CHRDL2: variants seen among roughly 807,000 people sequenced by gnomAD.
CHRDL2 encodes the protein chordin-like protein 2.
Under a neutral mutation model 54.3 loss-of-function variants are expected in CHRDL2, and 41 were observed. That is an observed-to-expected ratio of 0.76 (90% CI 0.59 to 0.98). The LOEUF (loss-of-function observed/expected upper bound fraction) is 0.98, where lower values mean the gene tolerates loss of function less well. Among genes scored for constraint, CHRDL2 ranks in the 50% least tolerant of loss-of-function variants. The pLI is 0.00. For missense variants in CHRDL2, 518 were observed against 562.4 expected, an observed-to-expected ratio of 0.92 and a Z score of 0.80; for synonymous variants, 220 against 224.3, an observed-to-expected ratio of 0.98 and a Z score of 0.17.
intron 10 of CHRDL2, 52 bp downstream of exon 10, chr11:74,697,153 G>A (rs912142308): frequency 4.6e-5 from 67 of 1,449,074 alleles, no homozygotes; most frequent in Non-Finnish European, 5.7e-5. Flanking sequence ...GCTCTGGCCC[G>A]TGTCCTTGCC....
At chr11:74,707,370 C>A (rs1440363464) in intron 5 of CHRDL2, among the ~76,000 whole-genome samples, 1 of 152,230 alleles carries the variant, frequency 6.6e-6, no homozygotes, top group African/African-American at 2.4e-5. Flanking sequence ...CACTCCCCTA[C>A]CTGAGTGCCA....
chr11:74,724,987 G>A (rs1317330510), intron 1 of CHRDL2, among the ~76,000 whole-genome samples: 1 of 151,654 alleles, frequency 6.6e-6, no homozygotes, highest in Non-Finnish European at 1.5e-5. Flanking sequence ...AGTCCTGGAA[G>A]CTTCTTTCAT....
intron 7 of CHRDL2, 131 bp downstream of exon 7, chr11:74,704,355 C>T (rs1310742065): frequency 2.4e-6 from 2 of 829,172 alleles, no homozygotes; most frequent in Admixed American, 6.7e-5. Flanking sequence ...TTCTCCGAGT[C>T]TACAAGCTCA....
chr11:74,702,670 A>T, intron 9 of CHRDL2, 124 bp downstream of exon 9: 1 of 919,782 alleles, frequency 1.1e-6, no homozygotes, highest in Non-Finnish European at 1.7e-6. Flanking sequence ...AGGGGCTCTT[A>T]AACCTGGCGG....
intron 8 of CHRDL2, 148 bp downstream of exon 8, chr11:74,703,157 C>G (rs1057449663): frequency 2.7e-5 from 29 of 1,076,698 alleles, no homozygotes; most frequent in Middle Eastern, 3.1e-4. Flanking sequence ...ACATTTTCCA[C>G]TCCTGTGTGT....
intron 7 of CHRDL2, 136 bp downstream of exon 7, chr11:74,704,350 C>T (rs1340334025): frequency 1.0e-5 from 8 of 769,026 alleles, no homozygotes; most frequent in African/African-American, 1.9e-5. Flanking sequence ...TGGCGTTCTC[C>T]GAGTCTACAA....
In CHRDL2 at chr11:74,703,307, G is replaced by A. The variant is rs745850424; in HGVS notation, c.944C>T (p.Pro315Leu). ...TTGCTCCCAGTGCCCCTGTGTACCT[G>A]GGCAAATCTTGCAGCACTTCCCAGC... ...KVAGKCCKICPEDKADPGHSE... is the reference protein window; with the variant it reads ...KVAGKCCKICLEDKADPGHSE... Residue 315 changes from proline to leucine, a missense_variant and splice_region_variant, in exon 8 of 11, where the codon CCA becomes CTA. Coordinates refer to ENST00000376332, the MANE Select transcript of CHRDL2 (RefSeq NM_001278473.3). 2 of 1,600,142 alleles carry A rather than the reference G, an allele frequency of 1.2e-6. No individual in the cohort carries two copies. The highest frequency in any genetic ancestry group is 1.7e-6 in the Non-Finnish European group (2 of 1,171,554).
At chr11:74,703,120 G>A (rs971991382) in intron 8 of CHRDL2, among the ~76,000 whole-genome samples, 153 bp from the exon 9 acceptor site, 2 of 152,184 alleles carry the variant, frequency 1.3e-5, no homozygotes, top group African/African-American at 4.8e-5. Context: ...ACACCGCATG[G>A]TTCTATCCAT....
At chr11:74,700,561 A>G (rs984569355) in intron 9 of CHRDL2, among the ~76,000 whole-genome samples, 12 of 151,966 alleles carry the variant, frequency 7.9e-5, no homozygotes, top group Non-Finnish European at 1.6e-4. Flanking sequence ...GGCAGCGGAG[A>G]GAGAGAGGCC....
chr11:74,697,633 C>T (rs1478095474), intron 9 of CHRDL2: 1 of 472,518 alleles, frequency 2.1e-6, no homozygotes, highest in South Asian at 1.6e-5. Flanking sequence ...GTCCTGTCGC[C>T]TCCACAGTGA....
rs986676448 is a variant in CHRDL2, at chr11:74,702,874, C to T, written c.1040G>A (p.Ser347Asn). The change falls in exon 9 of 11, where the codon AGC (serine) becomes AAC (asparagine). Residue 347 changes from serine to asparagine, a missense_variant. Physicochemically the swap from Ser to Asn is conservative, Grantham distance 46. Coordinates refer to ENST00000376332, the MANE Select transcript of CHRDL2 (RefSeq NM_001278473.3). ...RVLVHTSVSP[S>N]PDNLRRFALE... ...GGCAAAGCGACGCAGGTTGTCTGGG[C>T]TTGGGGATACCGATGTGTGGACGAG... The T allele has an allele frequency of 1.1e-5, 18 of 1,614,064 alleles. No individual in the cohort carries two copies. Among genetic ancestry groups the T allele is most frequent in the Non-Finnish European group, 1.4e-5 (17 of 1,180,032 alleles).
At chr11:74,697,176 C>G in intron 10 of CHRDL2, 29 bp downstream of exon 10, 1 of 1,573,798 alleles carries the variant, frequency 6.4e-7, no homozygotes, top group Non-Finnish European at 8.7e-7. Context: ...CTTCCTGCCC[C>G]GGCCCCATTC....
chr11:74,711,571 C>T (rs1214483038), intron 3 of CHRDL2, among the ~76,000 whole-genome samples: 1 of 152,156 alleles, frequency 6.6e-6, no homozygotes, highest in East Asian at 1.9e-4. Context: ...CTGAGAGAGC[C>T]CACTCATTCA....
At chr11:74,708,773 C>A (rs532816268) in intron 4 of CHRDL2, among the ~76,000 whole-genome samples, 13 of 152,316 alleles carry the variant, frequency 8.5e-5, no homozygotes, top group African/African-American at 3.1e-4. Context: ...CCACTGAAAT[C>A]AACATCATGG....
At position 74,731,002 on chromosome 11, in the gene CHRDL2, T is replaced by G; in HGVS notation, c.-114A>C. The G allele has an allele frequency of 1.2e-6, 1 of 830,742 alleles. No individual in the cohort carries two copies. The highest frequency in any genetic ancestry group is 1.9e-6 in the Non-Finnish European group (1 of 530,898). The allele number at this position is 830,742 out of a possible 1,614,324, so 51.5% of individuals were successfully genotyped here. A position where few individuals can be genotyped will look rare whatever the true frequency, so the allele number is the denominator to read the frequency against. On this transcript the variant is annotated 5_prime_UTR_variant, in exon 1 of 11. Coordinates refer to ENST00000376332, the MANE Select transcript of CHRDL2 (RefSeq NM_001278473.3). The surrounding 1 kb of genome is among the most constrained non-coding windows in gnomAD (Gnocchi z 4.4). ...AACCCACAGACCCCAGGAGGTCTGC[T>G]GCTAGAGCGGGGTCGGAGAAGGGCC...
Position 74,702,950 on chromosome 11 carries a change from C to T in CHRDL2, c.964G>A (p.Gly322Ser). Residue 322 changes from glycine to serine, a missense_variant, in exon 9 of 11, where the codon GGC (glycine) becomes AGC (serine). Coordinates refer to ENST00000376332, the MANE Select transcript of CHRDL2 (RefSeq NM_001278473.3). ...CTGGTAGAACTGATCTCACTGTGGC[C>T]AGGGTCTGCTTTGTCCTCTGGAGAG... ...KICPEDKADPGHSEISSTRCP... is the reference protein window; with the variant it reads ...KICPEDKADPSHSEISSTRCP... 1 of 1,613,122 alleles carries T rather than the reference C, an allele frequency of 6.2e-7. No homozygotes were observed. The highest frequency in any genetic ancestry group is 8.5e-7 in the Non-Finnish European group (1 of 1,179,430).
Position 74,713,410 on chromosome 11 carries a change from G to T in CHRDL2, c.265C>A (p.Gln89Lys), listed in dbSNP as rs1203534517. 1 of 1,614,178 alleles carries T rather than the reference G, an allele frequency of 6.2e-7. No homozygotes were observed. Among genetic ancestry groups the T allele is most frequent in the Non-Finnish European group, 8.5e-7 (1 of 1,180,018 alleles). Reference protein sequence around the residue: ...VHCPQPVTEPQQCCPKCVEPH... With the variant: ...VHCPQPVTEPKQCCPKCVEPH... ...CCCACACACTTGGGACAGCATTGCT[G>T]TGGCTCCGTCACAGGCTGGGGGCAG... is the stretch of plus-strand genomic sequence containing the variant. The change falls in exon 3 of 11, where the codon CAG becomes AAG. Residue 89 changes from glutamine (Q) to lysine (K), a missense_variant. Physicochemically the swap from Gln to Lys is moderately conservative, Grantham distance 53. Transcript: ENST00000376332.
chr11:74,726,829 A>C (rs770104652), intron 1 of CHRDL2, among the ~76,000 whole-genome samples: 1 of 152,180 alleles, frequency 6.6e-6, no homozygotes, highest in Non-Finnish European at 1.5e-5. Flanking sequence ...GCCGGACTTC[A>C]GGCCTTCACT....
In CHRDL2 at chr11:74,702,816, G is replaced by C. The variant is rs747079907; in HGVS notation, c.1098C>G (p.Ile366Met). 1 of 1,614,134 alleles carries C rather than the reference G, an allele frequency of 6.2e-7. No individual in the cohort carries two copies. Among genetic ancestry groups the C allele is most frequent in the South Asian group, 1.1e-5 (1 of 91,074 alleles). The change falls in exon 9 of 11, where the codon ATC becomes ATG. Residue 366 changes from isoleucine to methionine, a missense_variant. Ile to Met is a conservative substitution (Grantham distance 10, BLOSUM62 1). Coordinates refer to ENST00000376332, the MANE Select transcript of CHRDL2 (RefSeq NM_001278473.3). Reference protein sequence around the residue: ...LEHEASDLVEIYLWKLVKGIF... With the variant: ...LEHEASDLVEMYLWKLVKGIF... ...CACCTTTTACCAGCTTCCAGAGGTA[G>C]ATCTCCACCAAGTCCGAGGCCTCGT...
Sources: allele counts gnomAD v4.1 joint callset (sites outside exome capture counted in the v4.1 genomes callset), GRCh38; gene constraint gnomAD v4.1.1; non-coding constraint Gnocchi (gnomAD v3.1); transcripts MANE v1.5; gene names NCBI Gene and HGNC (gene_info 2026-07-23, HGNC 2026-07-21).